Variants in PLPP4 observed in about 807,000 individuals in gnomAD.
PLPP4 encodes the protein phospholipid phosphatase 4.
A neutral mutation model predicts 32.2 loss-of-function variants in PLPP4; 20 were observed. That is an observed-to-expected ratio of 0.62 (90% CI 0.44 to 0.90). The LOEUF is 0.90. Ranked by LOEUF, PLPP4 falls within the 40% of genes least tolerant of loss-of-function variation. The probability of loss-of-function intolerance (pLI) is 0.00; values close to 1 mark genes in which losing one functional copy is unlikely to be tolerated. For synonymous variants in PLPP4, 127 were observed against 133.0 expected (o/e 0.95, Z 0.31); for missense variants, 257 against 353.1 (o/e 0.73, Z 2.18).
chr10:120,477,121 C>A (rs1320746700), intron 1 of PLPP4, among the ~76,000 whole-genome samples: 1 of 151,884 alleles, frequency 6.6e-6, no homozygotes, highest in African/African-American at 2.4e-5. Context: ...TAAAAAACAT[C>A]AAGAGGCTCG....
chr10:120,578,334 C>T (rs974810428), intron 6 of PLPP4, among the ~76,000 whole-genome samples: 1 of 152,184 alleles, frequency 6.6e-6, no homozygotes. Context: ...AGATAAATAA[C>T]TTGTTTTCCT....
intron 1 of PLPP4, among the ~76,000 whole-genome samples, chr10:120,501,464 A>G (rs994578448): frequency 2.6e-5 from 4 of 152,174 alleles, no homozygotes; most frequent in African/African-American, 7.2e-5. Flanking sequence ...CAGGCCCTAC[A>G]TATATATTTC....
chr10:120,588,853 C>G lies in PLPP4; in HGVS notation c.617-450C>G, dbSNP rs184611757. On this transcript the variant is annotated intron_variant, in intron 6 of 6. Transcript: ENST00000398250. ...ATGAGGTCAGGAGTTCGAGACCAGCCTGGCCAACAGGGTGAAACCCTGCCT... is the reference window on the plus strand; with the variant it reads ...ATGAGGTCAGGAGTTCGAGACCAGCGTGGCCAACAGGGTGAAACCCTGCCT... 2.1e-3 allele frequency among the ~76,000 whole-genome samples: 322 copies of G among 152,314 alleles called. 2 individuals are homozygous for G. Among genetic ancestry groups the G allele is most frequent in the African/African-American group, 7.1e-3 (296 of 41,580 alleles).
At chr10:120,488,058 GAGA>G (rs751760681) in intron 1 of PLPP4, among the ~76,000 whole-genome samples, 14 of 152,180 alleles carry the variant, frequency 9.2e-5, no homozygotes, top group Non-Finnish European at 1.9e-4. Flanking sequence ...GTCCCCACTG[GAGA>G]AGGACCATGT....
intron 4 of PLPP4, among the ~76,000 whole-genome samples, chr10:120,520,033 A>G (rs914135132): frequency 2.0e-5 from 3 of 152,204 alleles, no homozygotes; most frequent in African/African-American, 7.2e-5. Flanking sequence ...TTGCACCTGT[A>G]AAATACAGAC....
At chr10:120,587,039 G>T (rs1849796917) in intron 6 of PLPP4, among the ~76,000 whole-genome samples, 1 of 152,180 alleles carries the variant, frequency 6.6e-6, no homozygotes, top group South Asian at 2.1e-4. Context: ...AATATTAATA[G>T]AAATTGATTA....
chr10:120,585,743 A>T (rs1432093639), intron 6 of PLPP4, among the ~76,000 whole-genome samples: 3 of 152,164 alleles, frequency 2.0e-5, no homozygotes, highest in African/African-American at 7.2e-5. Context: ...GGGTGAGGAT[A>T]AGTGGTGGTT....
At chr10:120,531,731 G>C (rs1846732309) in intron 5 of PLPP4, among the ~76,000 whole-genome samples, 1 of 151,890 alleles carries the variant, frequency 6.6e-6, no homozygotes, top group Admixed American at 6.6e-5. Context: ...AAAATTAATA[G>C]ACTGTATAAA....
At position 120,513,883 on chromosome 10, in the gene PLPP4, A is replaced by T. The variant is rs771064454; in HGVS notation, c.166-28A>T. 8 of 1,562,832 alleles carry T rather than the reference A, an allele frequency of 5.1e-6. No homozygotes were observed. The South Asian group carries it at 5.6e-5, about 11-fold the overall frequency. On this transcript the variant is annotated intron_variant, in intron 2 of 6. Coordinates refer to ENST00000398250, the MANE Select transcript of PLPP4 (RefSeq NM_001030059.3). ...CTTCTGATAGCAAACTGATGTCCTCATAAGGGATTGTTTGTTATTTCTTCC... is the reference window on the plus strand; with the variant it reads ...CTTCTGATAGCAAACTGATGTCCTCTTAAGGGATTGTTTGTTATTTCTTCC...
chr10:120,472,558 G>T (rs2133796740), intron 1 of PLPP4, among the ~76,000 whole-genome samples: 1 of 152,172 alleles, frequency 6.6e-6, no homozygotes, highest in Non-Finnish European at 1.5e-5. Context: ...GATGTGTCTA[G>T]GTTGGTCTCA....
intron 1 of PLPP4, among the ~76,000 whole-genome samples, chr10:120,497,946 A>C (rs1045408309): frequency 1.3e-5 from 2 of 152,246 alleles, no homozygotes; most frequent in East Asian, 3.9e-4. Context: ...AGCCTGAGGC[A>C]GGAGAATGGC....
chr10:120,500,362 G>A (rs1430320806), intron 1 of PLPP4, among the ~76,000 whole-genome samples: 1 of 152,134 alleles, frequency 6.6e-6, no homozygotes, highest in African/African-American at 2.4e-5. Context: ...CCATCACAGT[G>A]TCAATCGCAC....
chr10:120,488,821 C>G, intron 1 of PLPP4, among the ~76,000 whole-genome samples: 1 of 152,280 alleles, frequency 6.6e-6, no homozygotes, highest in South Asian at 2.1e-4. Flanking sequence ...GGAAATAGCC[C>G]AGGATTATGG....
At chr10:120,477,216 C>A (rs1843968986) in intron 1 of PLPP4, among the ~76,000 whole-genome samples, 1 of 129,566 alleles carries the variant, frequency 7.7e-6, no homozygotes, top group Admixed American at 9.1e-5. Flanking sequence ...TGTGAGCTGC[C>A]TGCTTTGAAT....
chr10:120,534,532 T>C (rs1846907073), intron 5 of PLPP4, among the ~76,000 whole-genome samples: 2 of 152,134 alleles, frequency 1.3e-5, no homozygotes, highest in African/African-American at 2.4e-5. Flanking sequence ...GTATTTTTTT[T>C]CTGCTCCCCC....
At chr10:120,580,898 T>C in intron 6 of PLPP4, 1 of 1,289,332 alleles carries the variant, frequency 7.8e-7, no homozygotes, top group African/African-American at 1.5e-5. Context: ...CCCTCCACAG[T>C]TGGCTGCTGT....
rs920760888 is a variant in PLPP4, at chr10:120,503,475, A to G, written c.57-343A>G. The G allele has an allele frequency of 2.0e-6, 3 of 1,473,332 alleles. No homozygotes were observed. The Admixed American group carries it at 5.9e-5, about 29-fold the overall frequency. 91.3% of individuals were successfully genotyped at this position (1,473,332 alleles called of 1,614,324 possible). On this transcript the variant is annotated intron_variant, in intron 1 of 6. Transcript: ENST00000398250. ...ACCTCAAACCCATTTTGTTTTCAAG[A>G]GACCATGCTGCTGCCCTGGCCTTGC... is the stretch of plus-strand genomic sequence containing the variant.
At chr10:120,516,138 A>G (rs1845925768) in intron 3 of PLPP4, among the ~76,000 whole-genome samples, 1 of 152,090 alleles carries the variant, frequency 6.6e-6, no homozygotes, top group African/African-American at 2.4e-5. Flanking sequence ...TTTTTTTTCA[A>G]TCACTATTTT....
chr10:120,571,813 C>A (rs1332830940), intron 5 of PLPP4, among the ~76,000 whole-genome samples: 1 of 152,180 alleles, frequency 6.6e-6, no homozygotes, highest in African/African-American at 2.4e-5. Context: ...ACCAAGGCTT[C>A]CCATAGCTCA....
Sources: gnomAD v4.1 joint callset for allele counts (sites outside exome capture counted in the v4.1 genomes callset) on GRCh38, gnomAD v4.1.1 for gene constraint, MANE v1.5 for transcripts, NCBI Gene and HGNC (gene_info 2026-07-23, HGNC 2026-07-21) for gene names.